CYFIP2: variants seen among roughly 807,000 people sequenced by gnomAD.
CYFIP2 encodes cytoplasmic FMR1-interacting protein 2.
CYFIP2 carries 29 observed loss-of-function variants against 158.7 expected under a neutral mutation model. The ratio of observed to expected loss-of-function variants is 0.18; its 90% CI spans 0.14 to 0.25. CYFIP2 has a LOEUF of 0.25. Ranked by LOEUF, CYFIP2 falls within the 10% of genes least tolerant of loss-of-function variation. The pLI is 1.00. For missense variants in CYFIP2, 852 were observed against 1,639.5 expected (o/e 0.52, Z 8.29); for synonymous variants, 585 against 617.6 (o/e 0.95, Z 0.78).
Position 157,277,039 on chromosome 5 carries a change from C to CTT in CYFIP2, c.-23-8289_-23-8288dup, listed in dbSNP as rs755120170. 533 of 145,004 alleles carry CTT rather than the reference C, an allele frequency of 3.7e-3. 6 individuals carry two copies. Among genetic ancestry groups the CTT allele is most frequent in the African/African-American group, 0.01 (401 of 39,610 alleles). The allele number at this position is 145,004 out of a possible 1,614,324, so 9.0% of individuals were successfully genotyped here. A position where few individuals can be genotyped will look rare whatever the true frequency, so the allele number is the denominator to read the frequency against. ...ATCTGTATGGGTTTTTTCTCTTTTTCTTTTTTTTTTTTGTGACAGAGTCTC... is the reference window on the plus strand; with the variant it reads ...ATCTGTATGGGTTTTTTCTCTTTTTCTTTTTTTTTTTTTTGTGACAGAGTCTC... On this transcript the variant is annotated intron_variant, in intron 1 of 30. Transcript: ENST00000620254.
At chr5:157,384,110 T>TTCTAACA in intron 28 of CYFIP2, 2 of 356,308 alleles carry the variant, frequency 5.6e-6, no homozygotes, top group Non-Finnish European at 1.1e-5. Flanking sequence ...GCCTTTTCTG[T>TTCTAACA]AGTGTTCTAA....
chr5:157,289,782 A>AGCC (rs1406874433), intron 3 of CYFIP2, among the ~76,000 whole-genome samples: 2 of 152,256 alleles, frequency 1.3e-5, no homozygotes, highest in African/African-American at 4.8e-5. Context: ...CACACAATTC[A>AGCC]GCCCATAACA....
chr5:157,344,641 A>T (rs1217580342), intron 23 of CYFIP2, among the ~76,000 whole-genome samples: 2 of 152,130 alleles, frequency 1.3e-5, no homozygotes, highest in Non-Finnish European at 2.9e-5. Flanking sequence ...ATTGCCCCTG[A>T]TCAGAAATAC....
chr5:157,380,406 G>T lies in CYFIP2; in HGVS notation c.3040-2184G>T, dbSNP rs552505415. Among the ~76,000 whole-genome samples the T allele has an allele frequency of 4.6e-5, 7 of 152,320 alleles. No homozygotes were observed. The East Asian group carries it at 1.3e-3, about 29-fold the overall frequency. ...TGAATTCATTCCCCAAGTTAGTCCGGCCTCTGCCCAGGAGTGAACAAGAAC... is the reference window on the plus strand; with the variant it reads ...TGAATTCATTCCCCAAGTTAGTCCGTCCTCTGCCCAGGAGTGAACAAGAAC... On this transcript the variant is annotated intron_variant, in intron 26 of 30. Coordinates refer to ENST00000620254, the MANE Select transcript of CYFIP2 (RefSeq NM_001037333.3).
At chr5:157,370,060 T>C (rs1764851183) in intron 26 of CYFIP2, among the ~76,000 whole-genome samples, 1 of 152,084 alleles carries the variant, frequency 6.6e-6, no homozygotes, top group African/African-American at 2.4e-5. Context: ...TTTGTATTTT[T>C]AGTAGAGACC....
In CYFIP2 at chr5:157,285,338, G is replaced by A. The variant is rs1011416477; in HGVS notation, c.-23-1G>A. ...ACTGACCTTCTCTTCCTTCCCTTCA[G>A]TGCAGAATACAGAAACTGCAGCCAT... On this transcript the variant is annotated splice_acceptor_variant, in intron 1 of 30. Coordinates refer to ENST00000620254, the MANE Select transcript of CYFIP2 (RefSeq NM_001037333.3). LOFTEE classifies it low-confidence loss of function (5UTR_SPLICE). The A allele has an allele frequency of 6.5e-6, 10 of 1,545,572 alleles. No homozygotes were observed. The East Asian group carries it at 7.3e-5, about 11-fold the overall frequency.
intron 9 of CYFIP2, among the ~76,000 whole-genome samples, chr5:157,308,950 CT>C (rs1489742399): frequency 2.6e-5 from 4 of 152,164 alleles, no homozygotes; most frequent in Non-Finnish European, 4.4e-5. Flanking sequence ...AGTTCCAAGT[CT>C]GAAAAATATG....
intron 1 of CYFIP2, among the ~76,000 whole-genome samples, chr5:157,276,192 A>G (rs1301978849): frequency 6.6e-6 from 1 of 152,262 alleles, no homozygotes; most frequent in Non-Finnish European, 1.5e-5. Context: ...TGTTGAATAG[A>G]AATGCTAAGA....
At chr5:157,318,685 A>G (rs1245920294) in intron 13 of CYFIP2, among the ~76,000 whole-genome samples, 1 of 152,222 alleles carries the variant, frequency 6.6e-6, no homozygotes, top group Admixed American at 6.5e-5. Flanking sequence ...TCTGCCCACC[A>G]TGGACCCAGA....
intron 21 of CYFIP2, among the ~76,000 whole-genome samples, chr5:157,334,012 G>C (rs1387970132): frequency 6.6e-6 from 1 of 152,224 alleles, no homozygotes; most frequent in Non-Finnish European, 1.5e-5. Flanking sequence ...AAGAATTAGA[G>C]TAAACTTGAC....
chr5:157,266,926 G>A lies in CYFIP2; in HGVS notation c.-24+731G>A, dbSNP rs1383475590. ...GAACCAGGAAGATGCTTGCCTGTCTGTTGTGGCGTCTACTTTTCAGGTCAG... is the reference window on the plus strand; with the variant it reads ...GAACCAGGAAGATGCTTGCCTGTCTATTGTGGCGTCTACTTTTCAGGTCAG... On this transcript the variant is annotated intron_variant, in intron 1 of 30. Transcript: ENST00000620254. The surrounding 1 kb of genome is among the most constrained non-coding windows in gnomAD (Gnocchi z 4.2). 4 of 152,472 alleles carry A rather than the reference G, an allele frequency of 2.6e-5. No homozygotes were observed. Among genetic ancestry groups the A allele is most frequent in the African/African-American group, 9.6e-5 (4 of 41,454 alleles). The allele number at this position is 152,472 out of a possible 1,614,324, so 9.4% of individuals were successfully genotyped here. A position where few individuals can be genotyped will look rare whatever the true frequency, so the allele number is the denominator to read the frequency against.
At chr5:157,272,082 C>G (rs1259339994) in intron 1 of CYFIP2, among the ~76,000 whole-genome samples, 1 of 152,244 alleles carries the variant, frequency 6.6e-6, no homozygotes, top group Non-Finnish European at 1.5e-5. Flanking sequence ...ACCTTAACAA[C>G]ACAGGAAGCA....
rs758104438 is a variant in CYFIP2, at chr5:157,300,741, C to T, written c.414C>T (p.Ser138=). 61 of 1,608,240 alleles carry T rather than the reference C, an allele frequency of 3.8e-5. No individual in the cohort carries two copies. In the East Asian group the frequency reaches 5.6e-4, roughly 15 times the overall value. ...GCAAGGCCATCGAGCGGTTCTGCAG[C>T]GAGGTGAAGCGGCTGTGCCATGCCG... The part of the protein sequence containing the change: ...FQRKAIERFC[S]EVKRLCHAER... The change falls in exon 6 of 31, where the codon AGC becomes AGT. Residue 138 remains serine, a synonymous_variant. Coordinates refer to ENST00000620254, the MANE Select transcript of CYFIP2 (RefSeq NM_001037333.3).
intron 18 of CYFIP2, 114 bp downstream of exon 18, chr5:157,326,381 ATC>A: frequency 1.1e-6 from 1 of 896,852 alleles, no homozygotes; most frequent in Non-Finnish European, 1.8e-6. Flanking sequence ...CTGGAGAGGA[ATC>A]TCTGTAACCA....
At chr5:157,385,436 C>G (rs534719936) in intron 28 of CYFIP2, among the ~76,000 whole-genome samples, 1 of 152,124 alleles carries the variant, frequency 6.6e-6, no homozygotes, top group Non-Finnish European at 1.5e-5. Flanking sequence ...ACAGGGTACT[C>G]GTAAGATATC....
intron 2 of CYFIP2, among the ~76,000 whole-genome samples, chr5:157,286,792 C>A (rs1757430740): frequency 6.6e-6 from 1 of 152,034 alleles, no homozygotes; most frequent in Non-Finnish European, 1.5e-5. Context: ...GATGAGTGAA[C>A]CTGATTACTG....
chr5:157,372,348 A>AGTAAG (rs35528142), intron 26 of CYFIP2, among the ~76,000 whole-genome samples: 2 of 57,866 alleles, frequency 3.5e-5, no homozygotes, highest in African/African-American at 2.0e-4. Flanking sequence ...CAAATGACTC[A>AGTAAG]GTAAAGTTAA....
At position 157,330,794 on chromosome 5, in the gene CYFIP2, A is replaced by G; in HGVS notation, c.2209A>G (p.Ile737Val). ...TGAGTGTAAGAATTATGGCGTCATC[A>G]TTCCGTATCCACCGTCCAATCGCTA... is the stretch of plus-strand genomic sequence containing the variant. ...RAECKNYGVI[I>V]PYPPSNRYET... The change falls in exon 20 of 31, where the codon ATT becomes GTT. Residue 737 changes from isoleucine (I) to valine (V), a missense_variant. Around this residue, in one of 8 missense-constraint regions of CYFIP2, gnomAD observed 191 missense variants for 311.2 expected, o/e 0.61. Coordinates refer to ENST00000620254, the MANE Select transcript of CYFIP2 (RefSeq NM_001037333.3). 6.2e-7 allele frequency: 1 copy of G among 1,614,014 alleles called. No homozygotes were observed. Among genetic ancestry groups the G allele is most frequent in the Non-Finnish European group, 8.5e-7 (1 of 1,179,898 alleles).
At chr5:157,371,678 A>C (rs1021859032) in intron 26 of CYFIP2, among the ~76,000 whole-genome samples, 11 of 152,244 alleles carry the variant, frequency 7.2e-5, no homozygotes, top group African/African-American at 2.7e-4. Flanking sequence ...GGAATCCCTC[A>C]GTTTTAAAAC....
Sources: gnomAD v4.1 joint callset for allele counts (sites outside exome capture counted in the v4.1 genomes callset) on GRCh38, gnomAD v4.1.1 for gene constraint, gnomAD v4.1.1 regional missense constraint, Gnocchi (gnomAD v3.1) non-coding constraint, MANE v1.5 for transcripts, NCBI Gene and HGNC (gene_info 2026-07-23, HGNC 2026-07-21) for gene names.